ZFHX3: variants seen among roughly 807,000 people sequenced by gnomAD.
ZFHX3 encodes zinc finger homeobox protein 3.
A neutral mutation model predicts 279.1 loss-of-function variants in ZFHX3; 42 were observed. The observed-to-expected ratio is 0.15, with a 90% CI of 0.12 to 0.19. The LOEUF is 0.19. ZFHX3 is among the 10% of genes least tolerant of loss of function. ZFHX3 has a pLI of 1.00. For missense variants in ZFHX3, 4,981 were observed against 4,754.0 expected (o/e 1.05, Z -1.40); for synonymous variants, 2,293 against 1,957.8 (o/e 1.17, Z -4.52).
rs574568690 is a variant in ZFHX3 at position 73,758,250 on chromosome 16, ATT to A, written c.-1607-78012_-1607-78011del. Reference sequence around the variant, plus strand: ...TTACTAGAAATTCATTCATTCATTCATTCATTCATTCAACAGATATTAAATAC... The same window carrying A: ...TTACTAGAAATTCATTCATTCATTCACATTCATTCAACAGATATTAAATAC... On this transcript the variant is annotated intron_variant, in intron 1 of 17. Coordinates refer to the ZFHX3 transcript ENST00000641206. Among the ~76,000 whole-genome samples the A allele has an allele frequency of 1.5e-3, 234 of 152,206 alleles. 2 individuals are homozygous for A. The highest frequency in any genetic ancestry group is 5.3e-3 in the African/African-American group (222 of 41,534).
chr16:73,322,274 C>T (rs1369876572), intron 3 of ZFHX3, among the ~76,000 whole-genome samples: 2 of 124,638 alleles, frequency 1.6e-5, no homozygotes, highest in Non-Finnish European at 3.9e-5. Context: ...TTTGAATCTT[C>T]ATGGCTTTTT....
At chr16:73,558,990 C>T (rs1483146313) in intron 2 of ZFHX3, among the ~76,000 whole-genome samples, 1 of 152,050 alleles carries the variant, frequency 6.6e-6, no homozygotes, top group Non-Finnish European at 1.5e-5. Flanking sequence ...GCTAGGATTA[C>T]AGGCATGAGC....
intron 7 of ZFHX3, among the ~76,000 whole-genome samples, chr16:73,102,372 T>C (rs1597157035): frequency 2.0e-5 from 3 of 152,248 alleles, no homozygotes; most frequent in Admixed American, 6.5e-5. Context: ...TACATATCTA[T>C]GCATATGCTT....
intron 2 of ZFHX3, among the ~76,000 whole-genome samples, chr16:73,465,166 G>A (rs115802831): frequency 0.01 from 1,559 of 152,360 alleles, 23 homozygotes; most frequent in African/African-American, 0.035. Flanking sequence ...ACACTTCCCT[G>A]ATTTCAAGGC....
At chr16:73,822,592 C>T (rs1960779126) in intron 1 of ZFHX3, among the ~76,000 whole-genome samples, 1 of 152,156 alleles carries the variant, frequency 6.6e-6, no homozygotes, top group South Asian at 2.1e-4. Flanking sequence ...ATGAGTTCTG[C>T]TCGGCATAGA....
chr16:73,440,140 G>A (rs897702911), intron 3 of ZFHX3, among the ~76,000 whole-genome samples: 5 of 152,102 alleles, frequency 3.3e-5, no homozygotes, highest in African/African-American at 9.7e-5. Context: ...AAACTGCCTG[G>A]CAGCACCCCA....
At chr16:73,448,576 T>A (rs1025398057) in intron 3 of ZFHX3, among the ~76,000 whole-genome samples, 4 of 151,206 alleles carry the variant, frequency 2.6e-5, no homozygotes, top group African/African-American at 9.7e-5. Context: ...AGGAAGGTAA[T>A]AGAAAAAGAA....
intron 3 of ZFHX3, among the ~76,000 whole-genome samples, chr16:73,340,669 C>T (rs940677759): frequency 4.6e-5 from 7 of 152,158 alleles, no homozygotes; most frequent in Admixed American, 4.6e-4. Flanking sequence ...AGCCACCGTG[C>T]CTGGCTGATC....
rs577707509 is a variant in ZFHX3 at position 73,239,109 on chromosome 16, T to G, written c.-1104+17938A>C. On this transcript the variant is annotated intron_variant, in intron 5 of 17. Coordinates refer to the ZFHX3 transcript ENST00000641206. ...ACCCAGCACAGATCCCAAAATAAAC[T>G]GGGTGCTTAATAAATTAATATTACT... Among the ~76,000 whole-genome samples, 5 of 152,256 alleles carry G rather than the reference T, an allele frequency of 3.3e-5. No homozygotes were observed. The East Asian group carries it at 9.6e-4, about 29-fold the overall frequency.
intron 5 of ZFHX3, among the ~76,000 whole-genome samples, chr16:73,229,012 C>G (rs951717589): frequency 2.0e-5 from 3 of 152,146 alleles, no homozygotes; most frequent in African/African-American, 7.2e-5. Flanking sequence ...GGTATATACT[C>G]AATATACTCA....
chr16:73,027,927 A>G (rs1362422798), intron 1 of ZFHX3, among the ~76,000 whole-genome samples: 1 of 152,062 alleles, frequency 6.6e-6, no homozygotes, highest in East Asian at 1.9e-4. Context: ...ATCGCTCAGC[A>G]CTGCAGAGAG....
chr16:72,894,502 C>T (rs994632806), intron 3 of ZFHX3, among the ~76,000 whole-genome samples: 1 of 152,196 alleles, frequency 6.6e-6, no homozygotes, highest in Non-Finnish European at 1.5e-5. Flanking sequence ...ACCCTTGGAA[C>T]CTGCCTAATA....
intron 2 of ZFHX3, chr16:73,483,173 C>A (rs899612009): frequency 3.6e-5 from 12 of 337,582 alleles, no homozygotes; most frequent in African/African-American, 2.2e-4. Context: ...CCCGATCCCT[C>A]CGAGGGTGAC....
At chr16:73,887,311 T>C (rs2142420185) in intron 1 of ZFHX3, among the ~76,000 whole-genome samples, 1 of 152,290 alleles carries the variant, frequency 6.6e-6, no homozygotes, top group East Asian at 1.9e-4. Flanking sequence ...AAATGAACTC[T>C]AGTCTTAATA....
chr16:73,769,493 A>T (rs1008909181), intron 1 of ZFHX3, among the ~76,000 whole-genome samples: 1 of 152,204 alleles, frequency 6.6e-6, no homozygotes, highest in Non-Finnish European at 1.5e-5. Flanking sequence ...CCATGCTACC[A>T]TTCTTATACA....
chr16:73,886,868 T>G (rs1184518618), intron 1 of ZFHX3, among the ~76,000 whole-genome samples: 3 of 152,214 alleles, frequency 2.0e-5, no homozygotes, highest in African/African-American at 7.2e-5. Flanking sequence ...AATTGGGAAC[T>G]ATAAATGTCC....
intron 5 of ZFHX3, among the ~76,000 whole-genome samples, chr16:73,190,967 C>T (rs947366740): frequency 9.3e-5 from 14 of 151,122 alleles, no homozygotes; most frequent in African/African-American, 2.9e-4. Context: ...TTAGGGGAAA[C>T]GTGTTGGCTT....
intron 1 of ZFHX3, among the ~76,000 whole-genome samples, chr16:73,003,812 G>T (rs1331628752): frequency 1.3e-5 from 2 of 151,938 alleles, no homozygotes; most frequent in African/African-American, 4.8e-5. Flanking sequence ...ACAGAGTGAG[G>T]GGGTCAGGAA....
At chr16:72,936,430 T>C (rs530448061) in intron 3 of ZFHX3, among the ~76,000 whole-genome samples, 3 of 152,322 alleles carry the variant, frequency 2.0e-5, no homozygotes, top group South Asian at 2.1e-4. Flanking sequence ...AAAATAAATA[T>C]AATCACTGTC....
Sources: allele counts gnomAD v4.1 joint callset (sites outside exome capture counted in the v4.1 genomes callset), GRCh38; gene constraint gnomAD v4.1.1; transcripts MANE v1.5; gene names NCBI Gene and HGNC (gene_info 2026-07-23, HGNC 2026-07-21).